The following AGAP1 variants were observed in gnomAD, a reference collection of about 807,000 sequenced individuals.
AGAP1 encodes the protein ArfGAP with GTPase domain, ankyrin repeat and PH domain 1, also known as arf-GAP with GTPase, ANK repeat and PH domain-containing protein 1.
Under a neutral mutation model 105.3 loss-of-function variants are expected in AGAP1, and 29 were observed. The observed-to-expected ratio is 0.28, with a 90% confidence interval of 0.21 to 0.38. AGAP1 has a LOEUF of 0.38. Among genes scored for constraint, AGAP1 ranks in the 10% least tolerant of loss-of-function variants. The pLI, the probability that AGAP1 is intolerant of heterozygous loss-of-function variation, is 1.00. For synonymous variants in AGAP1, 509 were observed against 485.9 expected (o/e 1.05, Z -0.63); for missense variants, 998 against 1,165.1 (o/e 0.86, Z 2.09).
In AGAP1 at chr2:235,559,896, T is replaced by G. The variant is rs535470238; in HGVS notation, c.163+65047T>G. On this transcript the variant is annotated intron_variant, in intron 1 of 17. Transcript: ENST00000304032. This position sits in a 1 kb window ranked among gnomAD's most constrained non-coding sequence, Gnocchi z 5.7. ...ATGGATTCTGGATACTAGACACTTA[T>G]TAGATATATGATTTGCAAATATATT... Among the ~76,000 whole-genome samples, 3 of 152,320 alleles carry G rather than the reference T, an allele frequency of 2.0e-5. No homozygotes were observed. The highest frequency in any genetic ancestry group is 4.4e-5 in the Non-Finnish European group (3 of 68,028).
chr2:235,593,073 G>C (rs750247296), intron 1 of AGAP1, among the ~76,000 whole-genome samples: 2 of 152,174 alleles, frequency 1.3e-5, no homozygotes, highest in African/African-American at 2.4e-5. Flanking sequence ...GAGATGGCTC[G>C]GAAGTGAGGG....
At chr2:235,995,780 T>G (rs2055786399) in intron 13 of AGAP1, among the ~76,000 whole-genome samples, 1 of 152,212 alleles carries the variant, frequency 6.6e-6, no homozygotes, top group Non-Finnish European at 1.5e-5. Flanking sequence ...CTGCAAGCTG[T>G]GGCCTGAGTG....
Position 235,788,518 on chromosome 2 carries a change from G to A in AGAP1, c.674-9241G>A, listed in dbSNP as rs916443541. ...TGGGAGGGTAGGTGAGGCGGGGTGA[G>A]GAGAGGATTGGGAGGCAAGGTGGGG... is the stretch of plus-strand genomic sequence containing the variant. On this transcript the variant is annotated intron_variant, in intron 6 of 17. Transcript: ENST00000304032. The surrounding 1 kb of genome is among the most constrained non-coding windows in gnomAD (Gnocchi z 6.0). 6.6e-5 allele frequency among the ~76,000 whole-genome samples: 10 copies of A among 151,440 alleles called. No homozygotes were observed. Among genetic ancestry groups the A allele is most frequent in the Admixed American group, 2.6e-4 (4 of 15,180 alleles).
At chr2:235,895,001 C>T (rs1405036448) in intron 10 of AGAP1, among the ~76,000 whole-genome samples, 2 of 152,186 alleles carry the variant, frequency 1.3e-5, no homozygotes, top group Non-Finnish European at 2.9e-5. Flanking sequence ...CCCACAGCCT[C>T]GGCCTCGGCC....
intron 6 of AGAP1, among the ~76,000 whole-genome samples, chr2:235,757,718 CAG>C (rs1954049092): frequency 6.6e-6 from 1 of 152,156 alleles, no homozygotes; most frequent in African/African-American, 2.4e-5. Context: ...TGCGGGAAGT[CAG>C]GGAGCCTCGG....
chr2:235,727,132 A>G (rs189015893), intron 3 of AGAP1, among the ~76,000 whole-genome samples: 11 of 152,318 alleles, frequency 7.2e-5, no homozygotes, highest in Admixed American at 5.9e-4. Context: ...CCCTAAAACA[A>G]TCAGTATCAC....
At chr2:236,011,875 A>G (rs1312205590) in intron 13 of AGAP1, among the ~76,000 whole-genome samples, 3 of 152,094 alleles carry the variant, frequency 2.0e-5, no homozygotes, top group Admixed American at 2.0e-4. Flanking sequence ...ACCAAACATC[A>G]GCTCGGAGCC....
Position 235,569,971 on chromosome 2 carries a change from G to T in AGAP1, c.163+75122G>T, listed in dbSNP as rs1386713412. 1.3e-5 allele frequency among the ~76,000 whole-genome samples: 2 copies of T among 152,180 alleles called. No homozygotes were observed. The highest frequency in any genetic ancestry group is 4.8e-5 in the African/African-American group (2 of 41,442). On this transcript the variant is annotated intron_variant, in intron 1 of 17. Coordinates refer to ENST00000304032, the MANE Select transcript of AGAP1 (RefSeq NM_001037131.3). The surrounding 1 kb of genome is among the most constrained non-coding windows in gnomAD (Gnocchi z 5.9). The stretch of plus-strand genomic sequence containing the variant: ...ATCTAAGGAAAACATGGTGTGACTG[G>T]CCCGGGATCCAAATTATTTGCAGCG...
Position 235,641,330 on chromosome 2 carries a change from C to G in AGAP1, c.164-67849C>G, listed in dbSNP as rs568773316. 6.2e-5 allele frequency among the ~76,000 whole-genome samples: 6 copies of G among 97,234 alleles called. No homozygotes were observed. The South Asian group carries it at 2.1e-3, about 34-fold the overall frequency. 63.8% of individuals were successfully genotyped at this position (97,234 alleles called of 152,430 possible). The stretch of plus-strand genomic sequence containing the variant: ...CTCTCTCTTTCTCTTTCTCCTCCCT[C>G]CCTCCCTCTCTTCCTTCCTTCCTTT... On this transcript the variant is annotated intron_variant, in intron 1 of 17. Coordinates refer to ENST00000304032, the MANE Select transcript of AGAP1 (RefSeq NM_001037131.3).
chr2:235,850,166 C>T (rs533804904), intron 9 of AGAP1, among the ~76,000 whole-genome samples: 23 of 152,276 alleles, frequency 1.5e-4, no homozygotes, highest in African/African-American at 5.1e-4. Context: ...AGTAACCGGA[C>T]GACGTTAGCA....
chr2:235,533,684 G>GA (rs779121596), intron 1 of AGAP1, among the ~76,000 whole-genome samples: 24 of 152,342 alleles, frequency 1.6e-4, no homozygotes, highest in Admixed American at 3.9e-4. Context: ...GGAATGCTTA[G>GA]AAAATAGCAC....
rs183622287 is a variant in AGAP1, at chr2:235,609,201, T to C, written c.164-99978T>C. On this transcript the variant is annotated intron_variant, in intron 1 of 17. Coordinates refer to ENST00000304032, the MANE Select transcript of AGAP1 (RefSeq NM_001037131.3). The surrounding 1 kb of genome is among the most constrained non-coding windows in gnomAD (Gnocchi z 5.1). ...ACCAGGTCCTAGTGAGGCAGCTTTC[T>C]GAGCACTTTTTCTTGATCACTGATG... Among the ~76,000 whole-genome samples, 41 of 152,280 alleles carry C rather than the reference T, an allele frequency of 2.7e-4. 1 individual carries two copies. In the East Asian group the frequency reaches 6.8e-3, roughly 25 times the overall value.
Position 235,620,431 on chromosome 2 carries a change from C to G in AGAP1, c.164-88748C>G, listed in dbSNP as rs370726546. ...GGCCCTCGCCTTCTGCCACTCTCCC[C>G]TTGCTCATGGCTCTGCTGATCCTTC... On this transcript the variant is annotated intron_variant, in intron 1 of 17. Transcript: ENST00000304032. This position sits in a 1 kb window ranked among gnomAD's most constrained non-coding sequence, Gnocchi z 4.5. Among the ~76,000 whole-genome samples the G allele has an allele frequency of 6.6e-6, 1 of 152,182 alleles. No homozygotes were observed. Among genetic ancestry groups the G allele is most frequent in the Admixed American group, 6.5e-5 (1 of 15,284 alleles).
rs192466091 is a variant in AGAP1, at chr2:235,556,555, G to A, written c.163+61706G>A. Among the ~76,000 whole-genome samples the A allele has an allele frequency of 1.4e-4, 21 of 152,326 alleles. No homozygotes were observed. The East Asian group carries it at 3.5e-3, about 25-fold the overall frequency. On this transcript the variant is annotated intron_variant, in intron 1 of 17. Transcript: ENST00000304032. The surrounding 1 kb of genome is among the most constrained non-coding windows in gnomAD (Gnocchi z 5.3). The stretch of plus-strand genomic sequence containing the variant: ...TTTTCTGCTCTGACCAGGCACCTTG[G>A]GGGAGGGAAGGCATCAGGAGCCTTC...
intron 1 of AGAP1, among the ~76,000 whole-genome samples, chr2:235,676,753 TTTTCCTGTAATG>T (rs751034517): frequency 2.6e-5 from 4 of 152,226 alleles, no homozygotes; most frequent in Non-Finnish European, 4.4e-5. Flanking sequence ...TGTCAATTTG[TTTTCCTGTAATG>T]ATTTGAAACA....
chr2:235,606,945 GAAAAA>G (rs5839603), intron 1 of AGAP1, among the ~76,000 whole-genome samples: 100 of 61,952 alleles, frequency 1.6e-3, no homozygotes, highest in Middle Eastern at 0.013. Flanking sequence ...ACTGCCTCTT[GAAAAA>G]AAAAAAAAAA....
chr2:235,950,568 C>G (rs1311402743), intron 12 of AGAP1, among the ~76,000 whole-genome samples: 2 of 152,002 alleles, frequency 1.3e-5, no homozygotes, highest in South Asian at 4.1e-4. Flanking sequence ...TTTAACCTCA[C>G]CCCAGGGGAT....
intron 12 of AGAP1, among the ~76,000 whole-genome samples, chr2:235,948,391 C>T (rs2053591399): frequency 1.3e-5 from 2 of 152,130 alleles, no homozygotes; most frequent in Admixed American, 1.3e-4. Context: ...CACCATCGTG[C>T]CCTGGCTGGT....
rs2057972294 is a variant in AGAP1 at position 236,053,634 on chromosome 2, C to G, written c.2114+4353C>G. Among the ~76,000 whole-genome samples the G allele has an allele frequency of 1.3e-5, 2 of 152,276 alleles. No individual in the cohort carries two copies. Among genetic ancestry groups the G allele is most frequent in the Non-Finnish European group, 2.9e-5 (2 of 68,050 alleles). On this transcript the variant is annotated intron_variant, in intron 16 of 17. Coordinates refer to ENST00000304032, the MANE Select transcript of AGAP1 (RefSeq NM_001037131.3). The surrounding 1 kb of genome is among the most constrained non-coding windows in gnomAD (Gnocchi z 4.6). ...TCTGCGTGGCACTGCATCTCCCCATCTTTGTGTCCTGGTGTCAAAGCATTT... is the reference window on the plus strand; with the variant it reads ...TCTGCGTGGCACTGCATCTCCCCATGTTTGTGTCCTGGTGTCAAAGCATTT...
Sources: allele counts gnomAD v4.1 joint callset (sites outside exome capture counted in the v4.1 genomes callset), GRCh38; gene constraint gnomAD v4.1.1; non-coding constraint Gnocchi (gnomAD v3.1); transcripts MANE v1.5; gene names NCBI Gene and HGNC (gene_info 2026-07-23, HGNC 2026-07-21).